Variants in RBMS2 observed in about 807,000 individuals in gnomAD.
RBMS2 encodes the protein RNA binding motif single stranded interacting protein 2, also known as RNA-binding motif, single-stranded-interacting protein 2.
A neutral mutation model predicts 58.4 loss-of-function variants in RBMS2; 38 were observed. That is an observed-to-expected ratio of 0.65 (90% CI 0.50 to 0.85). The LOEUF is 0.85. Ranked by LOEUF, RBMS2 falls within the 40% of genes least tolerant of loss-of-function variation. RBMS2 has a pLI of 0.00. For missense variants in RBMS2, 367 were observed against 503.7 expected (o/e 0.73, Z 2.60); for synonymous variants, 151 against 180.7 (o/e 0.84, Z 1.32).
chr12:56,523,479 T>C (rs1872114791), intron 1 of RBMS2, among the ~76,000 whole-genome samples: 1 of 152,216 alleles, frequency 6.6e-6, no homozygotes, highest in African/African-American at 2.4e-5. Flanking sequence ...CAATAAAATT[T>C]ACTTTAAAAA....
intron 1 of RBMS2, among the ~76,000 whole-genome samples, chr12:56,522,933 C>T (rs1283366856): frequency 6.6e-6 from 1 of 152,148 alleles, no homozygotes; most frequent in Non-Finnish European, 1.5e-5. Context: ...TTTACCCTCT[C>T]TTTGTGTTGT....
rs1871757985 is a variant in RBMS2, at chr12:56,521,825, G to A, written c.-199G>A. 1.8e-6 allele frequency: 1 copy of A among 570,514 alleles called. No individual in the cohort carries two copies. The highest frequency in any genetic ancestry group is 3.1e-6 in the Non-Finnish European group (1 of 326,470). 35.3% of individuals were successfully genotyped at this position (570,514 alleles called of 1,614,324 possible). ...TCTCAGTGACGTAAAGGAGCAGCCC[G>A]AGCTCATTCTCTGCCCGCAGCCCCC... On this transcript the variant is annotated 5_prime_UTR_variant, in exon 1 of 14. Transcript: ENST00000262031.
At chr12:56,561,950 G>C (rs1171090084) in intron 1 of RBMS2, among the ~76,000 whole-genome samples, 1 of 152,110 alleles carries the variant, frequency 6.6e-6, no homozygotes, top group Non-Finnish European at 1.5e-5. Context: ...TGGGACTACA[G>C]GCGCCCACCA....
At chr12:56,564,234 G>A (rs1324890409) in intron 2 of RBMS2, among the ~76,000 whole-genome samples, 1 of 151,850 alleles carries the variant, frequency 6.6e-6, no homozygotes, top group East Asian at 1.9e-4. Flanking sequence ...ACAGGTGTGA[G>A]CCACCGTGCC....
chr12:56,572,854 G>A, intron 5 of RBMS2: 1 of 983,908 alleles, frequency 1.0e-6, no homozygotes, highest in Non-Finnish European at 1.2e-6. Flanking sequence ...TGTGAGCCTT[G>A]GTTCACTCTC....
intron 12 of RBMS2, 116 bp downstream of exon 12, chr12:56,588,490 G>A: frequency 1.0e-6 from 1 of 982,032 alleles, no homozygotes. Flanking sequence ...CAAATAGCTG[G>A]TAGGTATACG....
chr12:56,566,712 A>G (rs1380645322), intron 2 of RBMS2, among the ~76,000 whole-genome samples: 4 of 151,834 alleles, frequency 2.6e-5, no homozygotes, highest in African/African-American at 7.3e-5. Flanking sequence ...CAGCTACTCC[A>G]GAGGCTGAGG....
intron 2 of RBMS2, among the ~76,000 whole-genome samples, chr12:56,564,240 G>A (rs987695928): frequency 2.0e-5 from 3 of 151,708 alleles, no homozygotes; most frequent in African/African-American, 4.8e-5. Flanking sequence ...GTGAGCCACC[G>A]TGCCTCGCTC....
intron 9 of RBMS2, among the ~76,000 whole-genome samples, chr12:56,582,856 G>A (rs946122319): frequency 4.0e-5 from 6 of 151,860 alleles, no homozygotes; most frequent in African/African-American, 1.5e-4. Flanking sequence ...TTTTAGTAGA[G>A]ACGGGGTTTC....
At chr12:56,539,867 G>T (rs2657902) in intron 1 of RBMS2, 3 of 253,582 alleles carry the variant, frequency 1.2e-5, no homozygotes, top group Non-Finnish European at 2.4e-5. Flanking sequence ...CTGAGAGGCC[G>T]GATGCTTCAT....
chr12:56,555,640 G>A (rs1465992941), intron 1 of RBMS2, among the ~76,000 whole-genome samples: 2 of 151,920 alleles, frequency 1.3e-5, no homozygotes, highest in African/African-American at 2.4e-5. Context: ...ACCCAGGCTG[G>A]AATGCAGTGA....
At position 56,584,959 on chromosome 12, in the gene RBMS2, G is replaced by A. The variant is rs184722683; in HGVS notation, c.874-1890G>A. Reference sequence around the variant, plus strand: ...CTGCCTCAGCCTCCCAAGTAGCTGGGATTACAGGCATATGCCACCATGCCT... The same window carrying A: ...CTGCCTCAGCCTCCCAAGTAGCTGGAATTACAGGCATATGCCACCATGCCT... On this transcript the variant is annotated intron_variant, in intron 9 of 13. Coordinates refer to ENST00000262031, the MANE Select transcript of RBMS2 (RefSeq NM_002898.4). 1.3e-3 allele frequency among the ~76,000 whole-genome samples: 193 copies of A among 151,982 alleles called. 3 individuals are homozygous for A. In the Middle Eastern group the frequency reaches 0.031, roughly 24 times the overall value.
In RBMS2 at chr12:56,594,320, A is replaced by G. The variant is rs533527804; in HGVS notation, c.*5187A>G. The G allele has an allele frequency of 6.6e-6, 1 of 152,366 alleles. No homozygotes were observed. Among genetic ancestry groups the G allele is most frequent in the Admixed American group, 6.5e-5 (1 of 15,310 alleles). The allele number at this position is 152,366 out of a possible 1,614,324, so 9.4% of individuals were successfully genotyped here. A position where few individuals can be genotyped will look rare whatever the true frequency, so the allele number is the denominator to read the frequency against. On this transcript the variant is annotated 3_prime_UTR_variant, in exon 14 of 14. Coordinates refer to ENST00000262031, the MANE Select transcript of RBMS2 (RefSeq NM_002898.4). ...CTGGGCAAGTGGCAGCATTGCGCTC[A>G]TGAGGGGCTTTGCATTCTTAGCCAA...
At chr12:56,549,290 G>C (rs115016173) in intron 1 of RBMS2, among the ~76,000 whole-genome samples, 1 of 151,748 alleles carries the variant, frequency 6.6e-6, no homozygotes, top group Non-Finnish European at 1.5e-5. Flanking sequence ...CCACTGGGCC[G>C]GGCCAGAAAT....
chr12:56,584,716 T>G (rs1592506985), intron 9 of RBMS2, among the ~76,000 whole-genome samples: 1 of 151,210 alleles, frequency 6.6e-6, no homozygotes, highest in Non-Finnish European at 1.5e-5. Flanking sequence ...ACCTGAGAGG[T>G]GAAGCTTGCA....
rs775450277 is a variant in RBMS2, at chr12:56,568,988, G to A, written c.247G>A (p.Val83Ile). 38 of 1,612,288 alleles carry A rather than the reference G, an allele frequency of 2.4e-5. No individual in the cohort carries two copies. The highest frequency in any genetic ancestry group is 3.2e-5 in the Non-Finnish European group (38 of 1,178,464). ...CCTCTCCCTTAGATATGGCAAGATT[G>A]TTTCCACTAAGGCCATACTGGACAA... The part of the protein sequence containing the change: ...VKLCQPYGKI[V>I]STKAILDKTT... The change falls in exon 3 of 14, where the codon GTT (valine) becomes ATT (isoleucine). Residue 83 changes from valine (V) to isoleucine (I), a missense_variant. Transcript: ENST00000262031.
intron 10 of RBMS2, 29 bp from the exon 11 acceptor site, chr12:56,587,525 C>G (rs1175374111): frequency 6.2e-7 from 1 of 1,608,440 alleles, no homozygotes; most frequent in Non-Finnish European, 8.5e-7. Context: ...GATGCTGCAG[C>G]TAACCCTGTC....
rs1883931075 is a variant in RBMS2 at position 56,581,416 on chromosome 12, C to G, written c.640C>G (p.Leu214Val). 1.1e-5 allele frequency: 18 copies of G among 1,614,214 alleles called. No individual in the cohort carries two copies. The East Asian group carries it at 4.0e-4, about 36-fold the overall frequency. Residue 214 changes from leucine (L) to valine (V), a missense_variant, in exon 7 of 14, where the codon CTT becomes GTT. Leu to Val is a conservative substitution (Grantham distance 32). Around this residue, in one of 3 missense-constraint regions of RBMS2, gnomAD observed 220 missense variants for 261.1 expected, o/e 0.84. Transcript: ENST00000262031. Reference protein sequence around the residue: ...PGVPAPSDPLLCKFADGGPKK... With the variant: ...PGVPAPSDPLVCKFADGGPKK... Reference sequence around the variant, plus strand: ...CTCGGCAGCCCCATCCGATCCCTTGCTTTGCAAATTTGCTGATGGCGGGCC... The same window carrying G: ...CTCGGCAGCCCCATCCGATCCCTTGGTTTGCAAATTTGCTGATGGCGGGCC...
At position 56,542,462 on chromosome 12, in the gene RBMS2, G is replaced by A. The variant is rs181178831; in HGVS notation, c.67-19955G>A. On this transcript the variant is annotated intron_variant, in intron 1 of 13. Transcript: ENST00000262031. ...GACTACTGATTTGAGCATATTTAAA[G>A]TATGGGTTTTTTTTTTTTAAAAATG... 6.1e-5 allele frequency among the ~76,000 whole-genome samples: 9 copies of A among 147,486 alleles called. No homozygotes were observed. The East Asian group carries it at 1.8e-3, about 29-fold the overall frequency.
Sources: allele counts gnomAD v4.1 joint callset (sites outside exome capture counted in the v4.1 genomes callset), GRCh38; gene constraint gnomAD v4.1.1; regional missense constraint gnomAD v4.1.1; transcripts MANE v1.5; gene names NCBI Gene and HGNC (gene_info 2026-07-23, HGNC 2026-07-21).